Variants in MGAT4C observed in about 807,000 individuals in gnomAD.
The protein encoded by MGAT4C is alpha-1,3-mannosyl-glycoprotein 4-beta-N-acetylglucosaminyltransferase C.
A neutral mutation model predicts 40.1 loss-of-function variants in MGAT4C; 19 were observed. The observed-to-expected ratio is 0.47, with a 90% CI of 0.33 to 0.70. The LOEUF is 0.70. Among genes scored for constraint, MGAT4C ranks in the 30% least tolerant of loss-of-function variants. The probability of loss-of-function intolerance (pLI) is 0.02; values close to 1 mark genes in which losing one functional copy is unlikely to be tolerated. For missense variants in MGAT4C, 491 were observed against 563.2 expected, an observed-to-expected ratio of 0.87 and a Z score of 1.30; for synonymous variants, 181 against 187.1, an observed-to-expected ratio of 0.97 and a Z score of 0.27.
chr12:86,528,930 C>T (rs1421571045), intron 2 of MGAT4C, among the ~76,000 whole-genome samples: 1 of 151,878 alleles, frequency 6.6e-6, no homozygotes, highest in African/African-American at 2.4e-5. Context: ...ATATAACAAA[C>T]TTGCACATCC....
At position 85,958,021 on chromosome 12, in the gene MGAT4C, GT is replaced by G. The variant is rs1050212038; in HGVS notation, c.*21267del. 7.2e-6 allele frequency: 1 copy of G among 138,078 alleles called. No homozygotes were observed. Among genetic ancestry groups the G allele is most frequent in the African/African-American group, 2.6e-5 (1 of 38,734 alleles). The allele number at this position is 138,078 out of a possible 1,614,324, so 8.6% of individuals were successfully genotyped here. A position where few individuals can be genotyped will look rare whatever the true frequency, so the allele number is the denominator to read the frequency against. On this transcript the variant is annotated 3_prime_UTR_variant, in exon 5 of 5. Coordinates refer to ENST00000611864, the MANE Select transcript of MGAT4C (RefSeq NM_001351288.2). Reference sequence around the variant, plus strand: ...CAAATACAAGACTGAATTGTTTACAGTTTTTCTAAGTGTTTTTGTGTGTGTG... The same window carrying G: ...CAAATACAAGACTGAATTGTTTACAGTTTTCTAAGTGTTTTTGTGTGTGTG...
rs982074010 is a variant in MGAT4C, at chr12:85,979,285, T to C, written c.*4A>G. 10 of 1,573,464 alleles carry C rather than the reference T, an allele frequency of 6.4e-6. No individual in the cohort carries two copies. In the Admixed American group the frequency reaches 1.5e-4, roughly 23 times the overall value. On this transcript the variant is annotated 3_prime_UTR_variant, in exon 5 of 5. Coordinates refer to ENST00000611864, the MANE Select transcript of MGAT4C (RefSeq NM_001351288.2). ...TCAGAAACTGAACATACTGATTTAA[T>C]TGGCTAAGAAGTCCAAATGCTAATA...
In MGAT4C at chr12:85,959,060, TACA is replaced by T. The variant is rs1882974504; in HGVS notation, c.*20226_*20228del. Reference sequence around the variant, plus strand: ...TACAATACAATACAATACAATACAATACAATACAATACAATACAATACAATACA... The same window carrying T: ...TACAATACAATACAATACAATACAATATACAATACAATACAATACAATACA... On this transcript the variant is annotated 3_prime_UTR_variant, in exon 5 of 5. Coordinates refer to ENST00000611864, the MANE Select transcript of MGAT4C (RefSeq NM_001351288.2). 1 of 151,808 alleles carries T rather than the reference TACA, an allele frequency of 6.6e-6. No individual in the cohort carries two copies. Among genetic ancestry groups the T allele is most frequent in the African/African-American group, 2.4e-5 (1 of 41,350 alleles). The allele number at this position is 151,808 out of a possible 1,614,324, so 9.4% of individuals were successfully genotyped here.
intron 1 of MGAT4C, among the ~76,000 whole-genome samples, chr12:86,197,265 A>G (rs117700148): frequency 0.026 from 3,914 of 152,332 alleles, 89 homozygotes; most frequent in Non-Finnish European, 0.043. Context: ...TAATATAAGT[A>G]TTCTCTAAGA....
chr12:86,507,810 GT>G (rs1183958550), intron 2 of MGAT4C, among the ~76,000 whole-genome samples: 1 of 152,024 alleles, frequency 6.6e-6, no homozygotes, highest in Non-Finnish European at 1.5e-5. Context: ...AATTATTCTA[GT>G]TTTAAAATAT....
chr12:86,656,941 T>G (rs1241549947), intron 2 of MGAT4C, among the ~76,000 whole-genome samples: 2 of 152,076 alleles, frequency 1.3e-5, no homozygotes, highest in Non-Finnish European at 2.9e-5. Context: ...GTTCAAACAT[T>G]TTGATTCTAA....
At chr12:86,593,190 G>A (rs1961401429) in intron 2 of MGAT4C, among the ~76,000 whole-genome samples, 1 of 150,980 alleles carries the variant, frequency 6.6e-6, no homozygotes, top group Non-Finnish European at 1.5e-5. Flanking sequence ...ATATTTATTT[G>A]TAAAATAATC....
chr12:86,742,061 T>G (rs1189043802), intron 1 of MGAT4C, among the ~76,000 whole-genome samples: 1 of 151,428 alleles, frequency 6.6e-6, no homozygotes, highest in Non-Finnish European at 1.5e-5. Flanking sequence ...TTCTTTGTAG[T>G]TAATTTATAT....
chr12:86,313,930 A>G (rs1954137314), intron 4 of MGAT4C, among the ~76,000 whole-genome samples: 1 of 152,222 alleles, frequency 6.6e-6, no homozygotes. Flanking sequence ...TAGGGACCTA[A>G]GTAGTAGTTG....
At chr12:86,203,617 AT>A (rs1950132845) in intron 1 of MGAT4C, among the ~76,000 whole-genome samples, 1 of 152,118 alleles carries the variant, frequency 6.6e-6, no homozygotes, top group South Asian at 2.1e-4. Context: ...GCCAGATTGA[AT>A]GTGGAGCTCG....
intron 1 of MGAT4C, among the ~76,000 whole-genome samples, chr12:86,255,307 G>A (rs895276247): frequency 1.3e-5 from 2 of 151,796 alleles, no homozygotes; most frequent in Non-Finnish European, 1.5e-5. Context: ...ACATTTGAGG[G>A]GATACAAATG....
At chr12:86,761,072 A>C (rs1951396465) in intron 1 of MGAT4C, among the ~76,000 whole-genome samples, 1 of 152,200 alleles carries the variant, frequency 6.6e-6, no homozygotes, top group Non-Finnish European at 1.5e-5. Context: ...AAATATGTAT[A>C]TTTTATAGAA....
rs148883550 is a variant in MGAT4C at position 86,421,617 on chromosome 12, A to T, written c.-120+13540T>A. 5.9e-3 allele frequency among the ~76,000 whole-genome samples: 893 copies of T among 152,154 alleles called. 4 individuals carry two copies. The highest frequency in any genetic ancestry group is 0.021 in the African/African-American group (855 of 41,506). On this transcript the variant is annotated intron_variant, in intron 3 of 7. Transcript: ENST00000548651. ...CTAGAGAAACCCCGTCTCTACTAAAAATACAAAAGTTTGCCAGGCATGGTG... is the reference window on the plus strand; with the variant it reads ...CTAGAGAAACCCCGTCTCTACTAAATATACAAAAGTTTGCCAGGCATGGTG...
intron 1 of MGAT4C, among the ~76,000 whole-genome samples, chr12:86,166,416 A>C (rs1347741481): frequency 1.3e-5 from 2 of 152,224 alleles, no homozygotes; most frequent in East Asian, 3.9e-4. Context: ...TCACGCCTTT[A>C]ATCTCAGCAG....
At chr12:86,545,997 T>C (rs1478912774) in intron 2 of MGAT4C, among the ~76,000 whole-genome samples, 1 of 151,982 alleles carries the variant, frequency 6.6e-6, no homozygotes, top group Non-Finnish European at 1.5e-5. Context: ...AGAAACATTT[T>C]AAAGGTTATT....
intron 2 of MGAT4C, among the ~76,000 whole-genome samples, chr12:86,554,188 G>A (rs2136400432): frequency 6.6e-6 from 1 of 151,404 alleles, no homozygotes; most frequent in East Asian, 1.9e-4. Context: ...GTCCCTTTCT[G>A]TTAAGTATTT....
intron 1 of MGAT4C, among the ~76,000 whole-genome samples, chr12:86,831,472 A>G (rs1452186857): frequency 6.6e-6 from 1 of 151,844 alleles, no homozygotes; most frequent in African/African-American, 2.4e-5. Context: ...TAAGGCTTGG[A>G]AAAAATACAA....
intron 2 of MGAT4C, among the ~76,000 whole-genome samples, chr12:86,521,313 T>G (rs1958791436): frequency 6.6e-6 from 1 of 152,296 alleles, no homozygotes; most frequent in South Asian, 2.1e-4. Flanking sequence ...CTAGCACCAT[T>G]TATTGAATAG....
intron 3 of MGAT4C, among the ~76,000 whole-genome samples, chr12:86,431,632 G>A (rs375498587): frequency 3.9e-5 from 6 of 152,116 alleles, no homozygotes; most frequent in African/African-American, 1.4e-4. Context: ...TTCTCAGAAT[G>A]CTTGTGTTAG....
Sources: gnomAD v4.1 joint callset for allele counts (sites outside exome capture counted in the v4.1 genomes callset) on GRCh38, gnomAD v4.1.1 for gene constraint, MANE v1.5 for transcripts, NCBI Gene and HGNC (gene_info 2026-07-23, HGNC 2026-07-21) for gene names.